Variants in THSD7B observed in about 807,000 individuals in gnomAD.
THSD7B encodes the protein thrombospondin type-1 domain-containing protein 7B.
A neutral mutation model predicts 213.6 loss-of-function variants in THSD7B; 138 were observed. The observed-to-expected ratio is 0.65, with a 90% CI of 0.56 to 0.74. The LOEUF (loss-of-function observed/expected upper bound fraction) is 0.74, where lower values mean the gene tolerates loss of function less well. THSD7B is among the 30% of genes least tolerant of loss of function. THSD7B has a pLI of 0.00. For missense variants in THSD7B, 1,931 were observed against 1,991.5 expected, an observed-to-expected ratio of 0.97 and a Z score of 0.58; for synonymous variants, 742 against 687.0, an observed-to-expected ratio of 1.08 and a Z score of -1.25.
intron 12 of THSD7B, among the ~76,000 whole-genome samples, chr2:137,395,303 C>T (rs930730762): frequency 6.8e-6 from 1 of 148,042 alleles, no homozygotes; most frequent in African/African-American, 2.5e-5. Context: ...GTGGGTTTGT[C>T]ATAGATAGCT....
At chr2:136,767,355 G>A (rs1681419503) in intron 1 of THSD7B, among the ~76,000 whole-genome samples, 1 of 152,072 alleles carries the variant, frequency 6.6e-6, no homozygotes, top group Non-Finnish European at 1.5e-5. Context: ...AATAATAGGA[G>A]TCTTCTTTTG....
At chr2:137,333,157 A>G (rs1298616730) in intron 12 of THSD7B, among the ~76,000 whole-genome samples, 1 of 152,124 alleles carries the variant, frequency 6.6e-6, no homozygotes, top group African/African-American at 2.4e-5. Context: ...GGATGCTAAG[A>G]GTTTAGAACT....
chr2:136,862,487 T>G (rs1313609901), intron 1 of THSD7B, among the ~76,000 whole-genome samples: 1 of 152,200 alleles, frequency 6.6e-6, no homozygotes, highest in Non-Finnish European at 1.5e-5. Context: ...TGTGTTTCTG[T>G]GCCAGGCACT....
At chr2:137,048,324 A>G (rs1687005505) in intron 2 of THSD7B, among the ~76,000 whole-genome samples, 1 of 152,188 alleles carries the variant, frequency 6.6e-6, no homozygotes, top group African/African-American at 2.4e-5. Context: ...CACAGTCTTA[A>G]AATTGCAGTT....
At chr2:136,955,927 G>A (rs1051519255) in intron 2 of THSD7B, among the ~76,000 whole-genome samples, 1 of 151,712 alleles carries the variant, frequency 6.6e-6, no homozygotes, top group Non-Finnish European at 1.5e-5. Flanking sequence ...GCTGGGATTA[G>A]GATTATGGGC....
intron 1 of THSD7B, among the ~76,000 whole-genome samples, chr2:136,860,016 A>ATTT (rs3084113): frequency 0.65 from 77,915 of 120,232 alleles, 26,690 homozygotes; most frequent in Middle Eastern, 0.78. Flanking sequence ...ACAATTCATG[A>ATTT]TTTTTTTTTT....
At chr2:136,812,200 C>T (rs1376452574) in intron 1 of THSD7B, among the ~76,000 whole-genome samples, 2 of 152,190 alleles carry the variant, frequency 1.3e-5, no homozygotes, top group African/African-American at 4.8e-5. Flanking sequence ...TGCTGGATCA[C>T]ACTCTGAACA....
At chr2:137,389,875 C>T (rs1685981391) in intron 12 of THSD7B, among the ~76,000 whole-genome samples, 1 of 152,088 alleles carries the variant, frequency 6.6e-6, no homozygotes, top group Admixed American at 6.6e-5. Flanking sequence ...AATCTATTGG[C>T]TGTAAGTACA....
chr2:137,002,883 T>C (rs1380319999), intron 2 of THSD7B, among the ~76,000 whole-genome samples: 1 of 152,196 alleles, frequency 6.6e-6, no homozygotes, highest in Non-Finnish European at 1.5e-5. Flanking sequence ...CAAGTAGATT[T>C]TATTTAAAAA....
chr2:136,767,620 T>G (rs1180077462), intron 1 of THSD7B, among the ~76,000 whole-genome samples: 1 of 152,208 alleles, frequency 6.6e-6, no homozygotes, highest in African/African-American at 2.4e-5. Flanking sequence ...CAGATACTTC[T>G]GAAAAAATTG....
chr2:137,483,671 A>T (rs2105109181), intron 15 of THSD7B, among the ~76,000 whole-genome samples: 1 of 152,316 alleles, frequency 6.6e-6, no homozygotes, highest in Middle Eastern at 3.4e-3. Context: ...GGAAGGTTTT[A>T]TAAAAGTAAC....
chr2:137,052,632 T>C, intron 2 of THSD7B, among the ~76,000 whole-genome samples: 1 of 152,182 alleles, frequency 6.6e-6, no homozygotes, highest in East Asian at 1.9e-4. Flanking sequence ...ACTGCTTACA[T>C]TTTTAATTAT....
chr2:137,323,320 C>T (rs1350760329), intron 12 of THSD7B, among the ~76,000 whole-genome samples: 1 of 152,142 alleles, frequency 6.6e-6, no homozygotes, highest in Non-Finnish European at 1.5e-5. Context: ...GACTGGTAGC[C>T]TGACTTGTGG....
intron 2 of THSD7B, among the ~76,000 whole-genome samples, chr2:137,036,901 A>C (rs1021237410): frequency 2.0e-5 from 3 of 152,118 alleles, no homozygotes; most frequent in African/African-American, 7.2e-5. Context: ...GGTATAAATT[A>C]CTTTCACTAA....
At chr2:137,426,736 G>C (rs1687064505) in intron 14 of THSD7B, among the ~76,000 whole-genome samples, 1 of 152,096 alleles carries the variant, frequency 6.6e-6, no homozygotes, top group African/African-American at 2.4e-5. Context: ...CATGACATTG[G>C]TCTTGACAAT....
intron 15 of THSD7B, chr2:137,538,556 T>C: frequency 2.0e-6 from 1 of 502,480 alleles, no homozygotes; most frequent in Non-Finnish European, 3.9e-6. Flanking sequence ...AGCTTTGATG[T>C]TTTCCTTCAC....
At chr2:137,467,548 A>G (rs1688018870) in intron 15 of THSD7B, among the ~76,000 whole-genome samples, 1 of 152,176 alleles carries the variant, frequency 6.6e-6, no homozygotes, top group African/African-American at 2.4e-5. Flanking sequence ...CTGATCACCT[A>G]GGGTGGAATG....
intron 2 of THSD7B, among the ~76,000 whole-genome samples, chr2:136,883,763 T>C (rs929354535): frequency 4.6e-5 from 7 of 152,134 alleles, no homozygotes; most frequent in Non-Finnish European, 1.0e-4. Flanking sequence ...AACTCTACAG[T>C]GGATGAATTT....
At chr2:137,532,240 G>C (rs927422174) in intron 15 of THSD7B, among the ~76,000 whole-genome samples, 1 of 151,722 alleles carries the variant, frequency 6.6e-6, no homozygotes, top group African/African-American at 2.4e-5. Flanking sequence ...AATGTATTAT[G>C]GTAGTTCTTC....
Sources: gnomAD v4.1 joint callset for allele counts (sites outside exome capture counted in the v4.1 genomes callset) on GRCh38, gnomAD v4.1.1 for gene constraint, MANE v1.5 for transcripts, NCBI Gene and HGNC (gene_info 2026-07-23, HGNC 2026-07-21) for gene names.